FRMD4A: variants seen among roughly 807,000 people sequenced by gnomAD.
FRMD4A encodes FERM domain containing 4A.
FRMD4A carries 29 observed loss-of-function variants against 129.1 expected under a neutral mutation model. The ratio of observed to expected loss-of-function variants is 0.22; its 90% CI spans 0.17 to 0.31. FRMD4A has a LOEUF of 0.31. FRMD4A is among the 10% of genes least tolerant of loss of function. FRMD4A has a pLI of 1.00. For synonymous variants in FRMD4A, 634 were observed against 571.6 expected, an observed-to-expected ratio of 1.11 and a Z score of -1.56; for missense variants, 1,272 against 1,375.8, an observed-to-expected ratio of 0.92 and a Z score of 1.19.
chr10:13,750,108 TGAAG>T (rs1411754644), intron 8 of FRMD4A, among the ~76,000 whole-genome samples: 1 of 66,730 alleles, frequency 1.5e-5, no homozygotes, highest in African/African-American at 6.8e-5. Flanking sequence ...AAGAAAGAAA[TGAAG>T]AAAGAAAGAA....
At chr10:13,899,600 C>G (rs2094796740) in intron 2 of FRMD4A, among the ~76,000 whole-genome samples, 1 of 151,898 alleles carries the variant, frequency 6.6e-6, no homozygotes, top group African/African-American at 2.4e-5. Flanking sequence ...CAGTTTGAGG[C>G]TGCAGTGAGC....
chr10:13,909,281 T>A (rs1401860664), intron 2 of FRMD4A, among the ~76,000 whole-genome samples: 2 of 152,392 alleles, frequency 1.3e-5, no homozygotes, highest in South Asian at 2.1e-4. Flanking sequence ...TTGTAGTGTG[T>A]GAGATTTTCT....
At chr10:14,044,001 A>G (rs925590495) in intron 2 of FRMD4A, among the ~76,000 whole-genome samples, 1 of 152,024 alleles carries the variant, frequency 6.6e-6, no homozygotes, top group Non-Finnish European at 1.5e-5. Context: ...TATTTATTAA[A>G]ACTTATTTGT....
At chr10:13,799,636 G>A (rs1382485455) in intron 4 of FRMD4A, among the ~76,000 whole-genome samples, 1 of 152,188 alleles carries the variant, frequency 6.6e-6, no homozygotes, top group African/African-American at 2.4e-5. Flanking sequence ...CCTCCTGCGA[G>A]TACACCATGT....
chr10:14,154,394 T>C (rs1008604943), intron 2 of FRMD4A, among the ~76,000 whole-genome samples: 2 of 152,182 alleles, frequency 1.3e-5, no homozygotes, highest in Non-Finnish European at 1.5e-5. Context: ...CTCAGCTATA[T>C]GGAGAGGTTT....
At chr10:13,687,349 A>G (rs554823410) in intron 15 of FRMD4A, among the ~76,000 whole-genome samples, 2 of 150,206 alleles carry the variant, frequency 1.3e-5, no homozygotes, top group South Asian at 4.1e-4. Context: ...AATCCCCAAA[A>G]CAACACTTAG....
At chr10:14,133,635 C>A (rs1312111319) in intron 2 of FRMD4A, among the ~76,000 whole-genome samples, 1 of 152,208 alleles carries the variant, frequency 6.6e-6, no homozygotes, top group African/African-American at 2.4e-5. Flanking sequence ...GAGGAAGGAC[C>A]AAGCTCCCTT....
chr10:14,273,326 G>A (rs1021154506), intron 2 of FRMD4A, among the ~76,000 whole-genome samples: 8 of 152,144 alleles, frequency 5.3e-5, no homozygotes, highest in Non-Finnish European at 1.2e-4. Flanking sequence ...GAGAGCTTGG[G>A]TGATTTGAAG....
intron 14 of FRMD4A, among the ~76,000 whole-genome samples, chr10:13,694,997 G>A (rs146403878): frequency 9.4e-4 from 143 of 152,212 alleles, no homozygotes; most frequent in African/African-American, 3.3e-3. Context: ...AGTACATGTT[G>A]CCCTAGTCTT....
chr10:13,648,410 T>C (rs1250995369), intron 24 of FRMD4A, among the ~76,000 whole-genome samples: 2 of 152,128 alleles, frequency 1.3e-5, no homozygotes, highest in African/African-American at 2.4e-5. Flanking sequence ...AGGGGTCCTA[T>C]GTTTTTCTTA....
chr10:13,792,551 T>G (rs1323637441), intron 5 of FRMD4A, among the ~76,000 whole-genome samples: 3 of 152,160 alleles, frequency 2.0e-5, no homozygotes, highest in Non-Finnish European at 4.4e-5. Flanking sequence ...GGGGAAGAAT[T>G]TATGGACCAT....
At chr10:13,837,588 G>C (rs2093896641) in intron 3 of FRMD4A, among the ~76,000 whole-genome samples, 2 of 152,208 alleles carry the variant, frequency 1.3e-5, no homozygotes, top group South Asian at 4.1e-4. Context: ...AGATGAGGCA[G>C]CTTCTAATTT....
intron 2 of FRMD4A, among the ~76,000 whole-genome samples, chr10:14,152,204 T>C (rs1349583424): frequency 4.4e-5 from 6 of 135,152 alleles, no homozygotes; most frequent in South Asian, 2.6e-4. Context: ...CTTGGTTCAC[T>C]GCAAGCTCCA....
chr10:13,794,523 G>C lies in FRMD4A; in HGVS notation c.299+1973C>G, dbSNP rs184583808. Among the ~76,000 whole-genome samples, 11 of 152,210 alleles carry C rather than the reference G, an allele frequency of 7.2e-5. No homozygotes were observed. In the East Asian group the frequency reaches 2.1e-3, roughly 29 times the overall value. On this transcript the variant is annotated intron_variant, in intron 5 of 24. Transcript: ENST00000357447. ...GACCATGGAAGGTCAAGGGAGGAGA[G>C]AGAAGATAATAAATTTGGCTTTGGA...
At chr10:14,257,368 G>A (rs970584773) in intron 2 of FRMD4A, among the ~76,000 whole-genome samples, 2 of 151,874 alleles carry the variant, frequency 1.3e-5, no homozygotes, top group Non-Finnish European at 2.9e-5. Flanking sequence ...ACAAAGCAGA[G>A]GTTAATATAT....
At chr10:14,154,756 G>T (rs1032173327) in intron 2 of FRMD4A, among the ~76,000 whole-genome samples, 3 of 152,184 alleles carry the variant, frequency 2.0e-5, no homozygotes, top group African/African-American at 7.2e-5. Flanking sequence ...GCCCCGTGCT[G>T]GGTTAGGAGT....
At chr10:14,320,318 T>A (rs1332895401) in intron 2 of FRMD4A, among the ~76,000 whole-genome samples, 3 of 152,140 alleles carry the variant, frequency 2.0e-5, no homozygotes, top group African/African-American at 7.2e-5. Flanking sequence ...GCAGTCCATC[T>A]CTTCCATGAC....
At chr10:14,143,121 T>A (rs1839916906) in intron 2 of FRMD4A, among the ~76,000 whole-genome samples, 1 of 152,200 alleles carries the variant, frequency 6.6e-6, no homozygotes, top group Admixed American at 6.5e-5. Flanking sequence ...GATTCAGCAA[T>A]TCCACTTCCG....
At chr10:13,764,269 C>T (rs2092194706) in intron 6 of FRMD4A, among the ~76,000 whole-genome samples, 1 of 149,552 alleles carries the variant, frequency 6.7e-6, no homozygotes, top group African/African-American at 2.5e-5. Context: ...CTTTGGGAGG[C>T]AGAGGCGGAT....
Sources: gnomAD v4.1 joint callset for allele counts (sites outside exome capture counted in the v4.1 genomes callset) on GRCh38, gnomAD v4.1.1 for gene constraint, MANE v1.5 for transcripts, NCBI Gene and HGNC (gene_info 2026-07-23, HGNC 2026-07-21) for gene names.